The following SLC44A3 variants were observed in gnomAD, a reference collection of about 807,000 sequenced individuals.
SLC44A3 encodes the protein solute carrier family 44 member 3.
In SLC44A3, 74 loss-of-function variants were observed where a neutral mutation model predicts 75.4. The ratio of observed to expected loss-of-function variants is 0.98; its 90% confidence interval spans 0.81 to 1.19. The LOEUF is 1.19. SLC44A3 is among the 50% of genes most tolerant of loss of function. The probability of loss-of-function intolerance (pLI) is 0.00; values close to 1 mark genes in which losing one functional copy is unlikely to be tolerated. For missense variants in SLC44A3, 700 were observed against 778.6 expected (o/e 0.90, Z 1.20); for synonymous variants, 310 against 296.9 (o/e 1.04, Z -0.45).
chr1:94,879,223 A>AAC (rs1553210154), intron 12 of SLC44A3, among the ~76,000 whole-genome samples: 43 of 151,950 alleles, frequency 2.8e-4, no homozygotes, highest in African/African-American at 1.0e-3. Flanking sequence ...ACAAAAAAAA[A>AAC]AAACCCGATT....
intron 12 of SLC44A3, among the ~76,000 whole-genome samples, chr1:94,869,917 G>C (rs1485368757): frequency 1.3e-5 from 2 of 152,180 alleles, no homozygotes; most frequent in African/African-American, 4.8e-5. Context: ...TACTAAAAGA[G>C]AATGAGATCC....
intron 5 of SLC44A3, among the ~76,000 whole-genome samples, chr1:94,831,070 T>C (rs1044279283): frequency 1.3e-5 from 2 of 152,184 alleles, no homozygotes; most frequent in African/African-American, 2.4e-5. Context: ...CAAGACTTGA[T>C]TTTATTTTGA....
chr1:94,874,650 C>A (rs1241716330), intron 12 of SLC44A3, among the ~76,000 whole-genome samples: 1 of 152,228 alleles, frequency 6.6e-6, no homozygotes, highest in Non-Finnish European at 1.5e-5. Flanking sequence ...AAGTGTGCGG[C>A]TCCCGAAGAC....
intron 13 of SLC44A3, 95 bp from the exon 14 acceptor site, chr1:94,892,186 A>G (rs966383866): frequency 8.8e-7 from 1 of 1,132,020 alleles, no homozygotes; most frequent in African/African-American, 1.6e-5. Context: ...CACACGTTGC[A>G]CACAGGAACG....
At chr1:94,850,265 G>A (rs1665038971) in intron 9 of SLC44A3, among the ~76,000 whole-genome samples, 1 of 151,984 alleles carries the variant, frequency 6.6e-6, no homozygotes, top group South Asian at 2.1e-4. Flanking sequence ...GTAGTCCATT[G>A]GGATTTGTCT....
intron 9 of SLC44A3, among the ~76,000 whole-genome samples, chr1:94,856,307 C>CT (rs1665868950): frequency 6.6e-6 from 1 of 152,150 alleles, no homozygotes; most frequent in African/African-American, 2.4e-5. Context: ...GATAAGGAAT[C>CT]TAAAACTCCT....
intron 5 of SLC44A3, among the ~76,000 whole-genome samples, chr1:94,836,036 G>A (rs61530795): frequency 0.013 from 2,006 of 152,298 alleles, 44 homozygotes; most frequent in African/African-American, 0.046. Context: ...TGAGACTTCT[G>A]GAGAAAGATT....
At chr1:94,868,390 A>G (rs977605458) in intron 12 of SLC44A3, among the ~76,000 whole-genome samples, 2 of 152,218 alleles carry the variant, frequency 1.3e-5, no homozygotes, top group African/African-American at 4.8e-5. Flanking sequence ...AATACTTTTC[A>G]TTATTCAGGG....
Position 94,845,390 on chromosome 1 carries a change from C to A in SLC44A3, c.998C>A (p.Pro333Gln). 1 of 1,614,122 alleles carries A rather than the reference C, an allele frequency of 6.2e-7. No individual in the cohort carries two copies. ...AGTGCTCCCTTCCTGCTGTTCCAGC[C>A]ACTGTGGACATTTGCCATCCTCATT... ...ISSAPFLLFQ[P>Q]LWTFAILIFF... The change falls in exon 9 of 15, where the codon CCA (proline) becomes CAA (glutamine). Residue 333 changes from proline (P) to glutamine (Q), a missense_variant. By Grantham distance (76) the Pro-to-Gln change is moderately conservative. Transcript: ENST00000271227.
chr1:94,867,182 G>C (rs138850391), intron 11 of SLC44A3, 149 bp from the exon 12 acceptor site: 1 of 487,074 alleles, frequency 2.1e-6, no homozygotes, highest in Non-Finnish European at 3.6e-6. Flanking sequence ...ATAATTAGTA[G>C]TAGTAGTATG....
intron 3 of SLC44A3, among the ~76,000 whole-genome samples, chr1:94,825,476 G>A (rs550770561): frequency 1.4e-4 from 22 of 152,134 alleles, no homozygotes; most frequent in East Asian, 1.2e-3. Context: ...GACTGCAGGC[G>A]CCCGCCACCA....
At chr1:94,823,912 A>C (rs933347916) in intron 2 of SLC44A3, among the ~76,000 whole-genome samples, 4 of 152,198 alleles carry the variant, frequency 2.6e-5, no homozygotes, top group African/African-American at 9.6e-5. Context: ...GATAAAAATG[A>C]TGATAGATTG....
In SLC44A3 at chr1:94,891,116, C is replaced by A. The variant is rs369341547; in HGVS notation, c.1483-14C>A. ...TATAAGAATTATCTTTTAAACAATT[C>A]TCTTCTGTTTCAGAATGCATATACT... On this transcript the variant is annotated splice_polypyrimidine_tract_variant and intron_variant, in intron 12 of 14. Transcript: ENST00000271227. The A allele has an allele frequency of 7.8e-5, 124 of 1,585,728 alleles. No individual in the cohort carries two copies. The highest frequency in any genetic ancestry group is 2.1e-4 in the Admixed American group (11 of 52,928).
rs1029614600 is a variant in SLC44A3, at chr1:94,883,744, G to A, written c.1483-7386G>A. On this transcript the variant is annotated intron_variant, in intron 12 of 14. Coordinates refer to ENST00000271227, the MANE Select transcript of SLC44A3 (RefSeq NM_001114106.3). ...TTCAGAAGACTTTTTTAAAACCTAC[G>A]TCTTGTGTGTGAAGGTGCAATTTGT... is the stretch of plus-strand genomic sequence containing the variant. Among the ~76,000 whole-genome samples, 45 of 152,290 alleles carry A rather than the reference G, an allele frequency of 3.0e-4. 1 individual carries two copies. Among genetic ancestry groups the A allele is most frequent in the Middle Eastern group, 6.8e-3 (2 of 294 alleles).
At chr1:94,869,304 G>T (rs569267008) in intron 12 of SLC44A3, among the ~76,000 whole-genome samples, 1 of 152,180 alleles carries the variant, frequency 6.6e-6, no homozygotes, top group African/African-American at 2.4e-5. Context: ...TGAAGGTGAC[G>T]ACTCCTTTTA....
At chr1:94,821,914 C>T (rs1660648151) in intron 2 of SLC44A3, among the ~76,000 whole-genome samples, 1 of 152,172 alleles carries the variant, frequency 6.6e-6, no homozygotes, top group Admixed American at 6.5e-5. Flanking sequence ...TGACCCGTTT[C>T]ACATAGACAG....
intron 7 of SLC44A3, among the ~76,000 whole-genome samples, chr1:94,841,141 G>A (rs1215374658): frequency 6.6e-6 from 1 of 152,164 alleles, no homozygotes; most frequent in African/African-American, 2.4e-5. Context: ...GCATGCTACT[G>A]TACAGAATAC....
intron 12 of SLC44A3, among the ~76,000 whole-genome samples, chr1:94,878,260 C>A (rs859087): frequency 0.38 from 57,204 of 150,122 alleles, 12,090 homozygotes; most frequent in East Asian, 0.65. Context: ...AACAAACAAA[C>A]AAAAAAAAAA....
At chr1:94,866,729 A>G (rs1259400870) in intron 11 of SLC44A3, among the ~76,000 whole-genome samples, 1 of 152,164 alleles carries the variant, frequency 6.6e-6, no homozygotes, top group Non-Finnish European at 1.5e-5. Context: ...AGTGGGTAGG[A>G]TGCCTCCGAG....
Sources: gnomAD v4.1 joint callset for allele counts (sites outside exome capture counted in the v4.1 genomes callset) on GRCh38, gnomAD v4.1.1 for gene constraint, MANE v1.5 for transcripts, NCBI Gene and HGNC (gene_info 2026-07-23, HGNC 2026-07-21) for gene names.